CPED1: variants seen among roughly 807,000 people sequenced by gnomAD.
CPED1 encodes cadherin-like and PC-esterase domain-containing protein 1.
Under a neutral mutation model 128.2 loss-of-function variants are expected in CPED1, and 114 were observed. The observed-to-expected ratio is 0.89, with a 90% CI of 0.76 to 1.04. The LOEUF (loss-of-function observed/expected upper bound fraction) is 1.04, where lower values mean the gene tolerates loss of function less well. Among genes scored for constraint, CPED1 ranks in the 50% least tolerant of loss-of-function variants. The pLI is 0.00. For missense variants in CPED1, 1,211 were observed against 1,207.1 expected, an observed-to-expected ratio of 1.00 and a Z score of -0.05; for synonymous variants, 462 against 426.7, an observed-to-expected ratio of 1.08 and a Z score of -1.02.
At chr7:121,172,041 T>A (rs1044230554) in intron 16 of CPED1, among the ~76,000 whole-genome samples, 2 of 152,086 alleles carry the variant, frequency 1.3e-5, no homozygotes, top group Non-Finnish European at 2.9e-5. Context: ...TATAAAAAAA[T>A]AGATTGGTGA....
intron 18 of CPED1, among the ~76,000 whole-genome samples, chr7:121,258,408 A>G (rs1335213113): frequency 6.6e-6 from 1 of 152,162 alleles, no homozygotes; most frequent in Non-Finnish European, 1.5e-5. Context: ...CACTGGATCC[A>G]GCCTGGAAAG....
chr7:121,001,244 G>T (rs1791848231), intron 2 of CPED1, among the ~76,000 whole-genome samples: 1 of 152,104 alleles, frequency 6.6e-6, no homozygotes, highest in African/African-American at 2.4e-5. Context: ...TTCCTCATCT[G>T]CTCAAGAAAG....
chr7:121,104,855 A>G (rs1424755404), intron 7 of CPED1, among the ~76,000 whole-genome samples: 7 of 152,144 alleles, frequency 4.6e-5, no homozygotes, highest in South Asian at 2.1e-4. Flanking sequence ...CAGCCACTCT[A>G]CTTTGCAATG....
At chr7:121,277,049 C>T (rs1792344667) in intron 22 of CPED1, among the ~76,000 whole-genome samples, 1 of 151,898 alleles carries the variant, frequency 6.6e-6, no homozygotes, top group Non-Finnish European at 1.5e-5. Context: ...TGTAAAGTTC[C>T]ACCCAAACCA....
intron 16 of CPED1, among the ~76,000 whole-genome samples, chr7:121,164,820 A>G (rs767525203): frequency 4.1e-4 from 63 of 152,190 alleles, no homozygotes; most frequent in Non-Finnish European, 7.1e-4. Flanking sequence ...AAAAGACTAA[A>G]TTTCAAGTAA....
At chr7:121,212,974 G>T (rs112919777) in intron 16 of CPED1, among the ~76,000 whole-genome samples, 1 of 151,896 alleles carries the variant, frequency 6.6e-6, no homozygotes, top group South Asian at 2.1e-4. Context: ...TTTCCGGGGG[G>T]GTGCAGGAGG....
At chr7:121,275,970 G>GA (rs5887027) in intron 22 of CPED1, among the ~76,000 whole-genome samples, 11,101 of 150,210 alleles carry the variant, frequency 0.074, 505 homozygotes, top group African/African-American at 0.088. Context: ...GACTTTTAGG[G>GA]AAAAAAAAGA....
intron 16 of CPED1, among the ~76,000 whole-genome samples, chr7:121,222,680 T>A (rs4268069): frequency 2.6e-5 from 4 of 151,966 alleles, no homozygotes; most frequent in African/African-American, 7.3e-5. Flanking sequence ...ACATCCCTCC[T>A]AAGTTGGATT....
intron 16 of CPED1, among the ~76,000 whole-genome samples, chr7:121,154,535 T>C (rs1454406151): frequency 1.3e-5 from 2 of 151,532 alleles, no homozygotes; most frequent in African/African-American, 2.4e-5. Flanking sequence ...TATTTTATTT[T>C]TATTATTTAT....
At chr7:121,126,168 A>T (rs1197253393) in intron 9 of CPED1, among the ~76,000 whole-genome samples, 1 of 152,216 alleles carries the variant, frequency 6.6e-6, no homozygotes, top group Non-Finnish European at 1.5e-5. Flanking sequence ...TCAAGTATGC[A>T]TTAAAGGAAA....
intron 2 of CPED1, among the ~76,000 whole-genome samples, chr7:121,007,666 CTGTTTACTGAG>C (rs1792056878): frequency 1.3e-5 from 2 of 152,186 alleles, no homozygotes; most frequent in Non-Finnish European, 2.9e-5. Flanking sequence ...GACTCCCTTT[CTGTTTACTGAG>C]TGTCTTCACA....
At position 121,097,771 on chromosome 7, in the gene CPED1, A is replaced by C. The variant is rs1188583649; in HGVS notation, c.689A>C (p.His230Pro). ...CAATTAAAGCCGAGTACTTCGAGTCACCTTTTAAAAACAGTGAAGCCACGT... is the reference window on the plus strand; with the variant it reads ...CAATTAAAGCCGAGTACTTCGAGTCCCCTTTTAAAAACAGTGAAGCCACGT... ...GMQLKPSTSSHLLKTVKPRVW... is the reference protein window; with the variant it reads ...GMQLKPSTSSPLLKTVKPRVW... The change falls in exon 6 of 23, where the codon CAC becomes CCC. Residue 230 changes from histidine to proline, a missense_variant. Coordinates refer to ENST00000310396, the MANE Select transcript of CPED1 (RefSeq NM_024913.5). 6.2e-7 allele frequency: 1 copy of C among 1,613,884 alleles called. No homozygotes were observed. The highest frequency in any genetic ancestry group is 8.5e-7 in the Non-Finnish European group (1 of 1,179,820).
At chr7:121,079,839 A>G (rs1304702826) in intron 5 of CPED1, among the ~76,000 whole-genome samples, 1 of 152,190 alleles carries the variant, frequency 6.6e-6, no homozygotes, top group Non-Finnish European at 1.5e-5. Context: ...ACACTTACCT[A>G]TTTCACTTAG....
chr7:121,024,732 A>G (rs1450924783), intron 3 of CPED1, among the ~76,000 whole-genome samples: 1 of 152,162 alleles, frequency 6.6e-6, no homozygotes, highest in Non-Finnish European at 1.5e-5. Flanking sequence ...GAAATTAGAC[A>G]TTTTTGTTTG....
intron 18 of CPED1, among the ~76,000 whole-genome samples, chr7:121,256,116 AAAAAAAACAAAAC>A (rs1340754188): frequency 1.2e-5 from 1 of 82,432 alleles, no homozygotes; most frequent in East Asian, 6.8e-4. Flanking sequence ...CTAAGCAAAA[AAAAAAAACAAAAC>A]AAAAAAAAAA....
In CPED1 at chr7:121,090,894, A is replaced by G. The variant is rs181134241; in HGVS notation, c.617-6805A>G. ...AACCCATAAGGCAGAGGTTGTAGTG[A>G]GCCGAGATCCTGCCACTGGCACTCC... On this transcript the variant is annotated intron_variant, in intron 5 of 22. Transcript: ENST00000310396. Among the ~76,000 whole-genome samples, 437 of 152,250 alleles carry G rather than the reference A, an allele frequency of 2.9e-3. 3 individuals are homozygous for G. Among genetic ancestry groups the G allele is most frequent in the African/African-American group, 0.01 (417 of 41,538 alleles).
chr7:121,251,851 G>A (rs200971119), intron 18 of CPED1, among the ~76,000 whole-genome samples: 1 of 148,628 alleles, frequency 6.7e-6, no homozygotes, highest in Non-Finnish European at 1.5e-5. Flanking sequence ...ATGCTCATGG[G>A]TAGGAAGAAT....
At chr7:121,241,119 G>A (rs1278926696) in intron 17 of CPED1, among the ~76,000 whole-genome samples, 1 of 52,488 alleles carries the variant, frequency 1.9e-5, no homozygotes, top group East Asian at 2.6e-4. Context: ...CGAGGCGGGC[G>A]GATCACGAGG....
chr7:121,247,741 C>T (rs11532789), intron 18 of CPED1, among the ~76,000 whole-genome samples: 44,960 of 152,062 alleles, frequency 0.3, 7,065 homozygotes, highest in Middle Eastern at 0.43. Context: ...ATAGATGGTA[C>T]CTGAGCCAGT....
Sources: gnomAD v4.1 joint callset for allele counts (sites outside exome capture counted in the v4.1 genomes callset) on GRCh38, gnomAD v4.1.1 for gene constraint, MANE v1.5 for transcripts, NCBI Gene and HGNC (gene_info 2026-07-23, HGNC 2026-07-21) for gene names.